Variants in SLC30A8 observed in about 807,000 individuals in gnomAD.
SLC30A8 encodes the protein solute carrier family 30 member 8.
Under a neutral mutation model 36.9 loss-of-function variants are expected in SLC30A8, and 27 were observed. The observed-to-expected ratio is 0.73, with a 90% confidence interval of 0.54 to 1.01. The LOEUF is 1.01. Among genes scored for constraint, SLC30A8 ranks in the 50% least tolerant of loss-of-function variants. SLC30A8 has a pLI of 0.00. For synonymous variants in SLC30A8, 164 were observed against 172.4 expected, an observed-to-expected ratio of 0.95 and a Z score of 0.38; for missense variants, 439 against 452.0, an observed-to-expected ratio of 0.97 and a Z score of 0.26.
intron 2 of SLC30A8, among the ~76,000 whole-genome samples, chr8:117,127,301 T>C (rs1820946647): frequency 6.6e-6 from 1 of 152,100 alleles, no homozygotes; most frequent in African/African-American, 2.4e-5. Context: ...TGTTTTAACT[T>C]ACTTTTTCTT....
At chr8:117,016,224 G>T (rs1232293765) in intron 1 of SLC30A8, among the ~76,000 whole-genome samples, 1 of 152,164 alleles carries the variant, frequency 6.6e-6, no homozygotes, top group Non-Finnish European at 1.5e-5. Context: ...TGGAAGCTAG[G>T]TGTTGTTTTA....
At chr8:117,071,446 A>T (rs115279913) in intron 2 of SLC30A8, among the ~76,000 whole-genome samples, 1,781 of 152,196 alleles carry the variant, frequency 0.012, 52 homozygotes, top group African/African-American at 0.041. Context: ...TATTTTGGAT[A>T]TTGACCCCTT....
chr8:117,126,638 C>T (rs1009435305), intron 2 of SLC30A8, among the ~76,000 whole-genome samples: 12 of 151,974 alleles, frequency 7.9e-5, no homozygotes, highest in South Asian at 4.2e-4. Context: ...TGCCAGATAC[C>T]GTTTATGAAG....
Position 117,161,734 on chromosome 8 carries a change from T to C in SLC30A8, c.573-4T>C, listed in dbSNP as rs1383000189. On this transcript the variant is annotated splice_polypyrimidine_tract_variant and splice_region_variant and intron_variant, in intron 4 of 7. Coordinates refer to ENST00000456015, the MANE Select transcript of SLC30A8 (RefSeq NM_173851.3). ...TGTGCTAAGAACATTGTTCTCTCTT[T>C]CAGACTAACTGTGGTTTTGCACCAG... is the stretch of plus-strand genomic sequence containing the variant. The C allele has an allele frequency of 6.2e-7, 1 of 1,612,452 alleles. No individual in the cohort carries two copies. The highest frequency in any genetic ancestry group is 2.2e-5 in the East Asian group (1 of 44,832).
At chr8:116,973,794 C>T (rs1229444919) in intron 1 of SLC30A8, among the ~76,000 whole-genome samples, 1 of 152,158 alleles carries the variant, frequency 6.6e-6, no homozygotes, top group Non-Finnish European at 1.5e-5. Context: ...AACTATATTA[C>T]AAGGCTACAG....
chr8:117,037,219 T>C (rs551687628), intron 1 of SLC30A8, among the ~76,000 whole-genome samples: 1 of 152,344 alleles, frequency 6.6e-6, no homozygotes, highest in Non-Finnish European at 1.5e-5. Context: ...CTGCACAAAA[T>C]GTTTTAGGCA....
intron 2 of SLC30A8, among the ~76,000 whole-genome samples, chr8:117,043,178 G>A (rs1336666632): frequency 6.6e-6 from 1 of 152,180 alleles, no homozygotes; most frequent in Non-Finnish European, 1.5e-5. Flanking sequence ...AAGCAAAAAT[G>A]TAGAGTTTTC....
chr8:117,103,594 C>T (rs1205801245), intron 2 of SLC30A8, among the ~76,000 whole-genome samples: 1 of 152,230 alleles, frequency 6.6e-6, no homozygotes, highest in African/African-American at 2.4e-5. Flanking sequence ...CTTGCCTCAC[C>T]TTCCCAAGTA....
intron 1 of SLC30A8, among the ~76,000 whole-genome samples, chr8:117,003,548 G>A (rs1384548183): frequency 1.3e-5 from 2 of 152,192 alleles, no homozygotes; most frequent in Non-Finnish European, 2.9e-5. Flanking sequence ...TGATGTAAAG[G>A]TTATCAAGAA....
intron 2 of SLC30A8, among the ~76,000 whole-genome samples, chr8:117,079,317 T>C (rs1818589515): frequency 6.6e-6 from 1 of 152,174 alleles, no homozygotes; most frequent in South Asian, 2.1e-4. Flanking sequence ...GCCTGAATTC[T>C]CTTCCTTTTA....
At chr8:117,012,093 C>T (rs1816361359) in intron 1 of SLC30A8, among the ~76,000 whole-genome samples, 2 of 152,094 alleles carry the variant, frequency 1.3e-5, no homozygotes, top group Admixed American at 1.3e-4. Flanking sequence ...ATTAGTTGCT[C>T]ATTCAAAAGT....
chr8:116,992,462 G>T (rs1815676028), intron 1 of SLC30A8, among the ~76,000 whole-genome samples: 1 of 152,038 alleles, frequency 6.6e-6, no homozygotes. Context: ...CATGGGTTTT[G>T]TCTTCTTAGA....
Position 117,172,732 on chromosome 8 carries a change from C to T in SLC30A8, c.*51C>T. On this transcript the variant is annotated 3_prime_UTR_variant, in exon 8 of 8. Coordinates refer to ENST00000456015, the MANE Select transcript of SLC30A8 (RefSeq NM_173851.3). ...ATTTGACAGGCCACCTTCAAACATGCTGCTATGCAGTTTCTGCATCATAGA... is the reference window on the plus strand; with the variant it reads ...ATTTGACAGGCCACCTTCAAACATGTTGCTATGCAGTTTCTGCATCATAGA... 2 of 1,599,026 alleles carry T rather than the reference C, an allele frequency of 1.3e-6. No individual in the cohort carries two copies. The highest frequency in any genetic ancestry group is 2.2e-5 in the South Asian group (2 of 90,652).
intron 2 of SLC30A8, among the ~76,000 whole-genome samples, chr8:117,085,410 C>G (rs532343514): frequency 2.6e-4 from 40 of 152,264 alleles, no homozygotes; most frequent in Middle Eastern, 3.4e-3. Context: ...TACTCATCCT[C>G]TAGCGATTTC....
chr8:117,036,062 C>T (rs1817203540), intron 1 of SLC30A8, among the ~76,000 whole-genome samples: 1 of 152,168 alleles, frequency 6.6e-6, no homozygotes, highest in African/African-American at 2.4e-5. Flanking sequence ...TGGCTATTAA[C>T]ATTTGGCTCC....
intron 4 of SLC30A8, among the ~76,000 whole-genome samples, chr8:117,158,503 T>C (rs543006845): frequency 1.3e-5 from 2 of 152,368 alleles, no homozygotes; most frequent in Admixed American, 1.3e-4. Flanking sequence ...CTTTGCAGCA[T>C]TGTGACTGCA....
intron 2 of SLC30A8, among the ~76,000 whole-genome samples, chr8:117,095,965 G>T (rs1819341335): frequency 6.6e-6 from 1 of 152,176 alleles, no homozygotes; most frequent in Non-Finnish European, 1.5e-5. Flanking sequence ...TTTCCTGAGA[G>T]TATGATGGGC....
In SLC30A8 at chr8:117,161,877, A is replaced by G; in HGVS notation, c.712A>G (p.Ile238Val). The G allele has an allele frequency of 6.2e-7, 1 of 1,613,016 alleles. No homozygotes were observed. The highest frequency in any genetic ancestry group is 8.5e-7 in the Non-Finnish European group (1 of 1,179,338). Residue 238 changes from isoleucine to valine, a missense_variant, in exon 5 of 8, where the codon ATC becomes GTC. Transcript: ENST00000456015. ...SISVLISALI[I>V]YFKPEYKIAD... ...CAGTGTGCTAATTAGTGCACTTATT[A>G]TCTACTTTAAGGTGAGTTTGAGTTT...
At chr8:117,129,644 A>G (rs1821049849) in intron 2 of SLC30A8, among the ~76,000 whole-genome samples, 1 of 152,050 alleles carries the variant, frequency 6.6e-6, no homozygotes, top group Non-Finnish European at 1.5e-5. Flanking sequence ...AAAATAGGAA[A>G]ACATTGTAAT....
Sources: allele counts gnomAD v4.1 joint callset (sites outside exome capture counted in the v4.1 genomes callset), GRCh38; gene constraint gnomAD v4.1.1; transcripts MANE v1.5; gene names NCBI Gene and HGNC (gene_info 2026-07-23, HGNC 2026-07-21).